ENTREP2: variants seen among roughly 807,000 people sequenced by gnomAD.
The protein encoded by ENTREP2 is protein ENTREP2.
the ENTREP2 span, among the ~76,000 whole-genome samples, chr15:29,603,042 A>T: frequency 1.3e-5 from 2 of 152,194 alleles, no homozygotes; most frequent in Non-Finnish European, 2.9e-5. Context: ...TGGCCCAATG[A>T]CGAAAGGGGA....
At chr15:29,444,194 GA>G in the ENTREP2 span, among the ~76,000 whole-genome samples, 1 of 129,352 alleles carries the variant, frequency 7.7e-6, no homozygotes, top group African/African-American at 3.2e-5. Context: ...AAGAAAGAAA[GA>G]AAGAAAGAAA....
At chr15:29,546,647 G>A in the ENTREP2 span, among the ~76,000 whole-genome samples, 1 of 152,126 alleles carries the variant, frequency 6.6e-6, no homozygotes, top group Non-Finnish European at 1.5e-5. Flanking sequence ...AGCACTTTGG[G>A]AGGCCGAGGC....
the ENTREP2 span, among the ~76,000 whole-genome samples, chr15:29,564,746 C>T: frequency 6.6e-6 from 1 of 152,204 alleles, no homozygotes; most frequent in Non-Finnish European, 1.5e-5. Flanking sequence ...CCCCTGAGGC[C>T]ACTGCGGCTC....
the ENTREP2 span, among the ~76,000 whole-genome samples, chr15:29,321,286 A>C: frequency 6.6e-6 from 1 of 152,204 alleles, no homozygotes; most frequent in Non-Finnish European, 1.5e-5. Flanking sequence ...AAGAGCGTGG[A>C]GTATTTAAAG....
At chr15:29,554,181 C>T in the ENTREP2 span, among the ~76,000 whole-genome samples, 835 of 151,920 alleles carry the variant, frequency 5.5e-3, 4 homozygotes, top group African/African-American at 0.019. Context: ...CGTGTGGTGG[C>T]GCGTTGCCTG....
chr15:29,402,312 GTGTGTGTA>G, the ENTREP2 span, among the ~76,000 whole-genome samples: 8 of 143,494 alleles, frequency 5.6e-5, no homozygotes, highest in South Asian at 1.6e-3. Flanking sequence ...GTGTGTGTGT[GTGTGTGTA>G]TATATGTATA....
At chr15:29,655,501 A>C in the ENTREP2 span, among the ~76,000 whole-genome samples, 2 of 151,914 alleles carry the variant, frequency 1.3e-5, no homozygotes, top group African/African-American at 4.9e-5. Flanking sequence ...TACAAGACAC[A>C]CAAGAAAGCA....
At chr15:29,471,952 T>A in the ENTREP2 span, among the ~76,000 whole-genome samples, 2 of 152,066 alleles carry the variant, frequency 1.3e-5, no homozygotes, top group Non-Finnish European at 2.9e-5. Flanking sequence ...ATGCTGACAG[T>A]GGTCACCCAA....
At chr15:29,381,651 CA>C in the ENTREP2 span, 1 of 760,870 alleles carries the variant, frequency 1.3e-6, no homozygotes, top group Non-Finnish European at 2.1e-6. Flanking sequence ...GAGATTTTAT[CA>C]AGCTCTGCTT....
At chr15:29,444,835 G>C in the ENTREP2 span, among the ~76,000 whole-genome samples, 1 of 152,212 alleles carries the variant, frequency 6.6e-6, no homozygotes, top group Non-Finnish European at 1.5e-5. Context: ...TGGCTAGAGA[G>C]GCTCCACAGT....
the ENTREP2 span, among the ~76,000 whole-genome samples, chr15:29,167,429 G>T: frequency 1.3e-5 from 2 of 152,010 alleles, no homozygotes; most frequent in African/African-American, 4.8e-5. Flanking sequence ...ATCTGACAAA[G>T]GACTAATATC....
At chr15:29,483,838 A>T in the ENTREP2 span, among the ~76,000 whole-genome samples, 7 of 152,232 alleles carry the variant, frequency 4.6e-5, no homozygotes, top group African/African-American at 1.7e-4. Flanking sequence ...TCTGATTATT[A>T]CATTTTTTAA....
chr15:29,610,579 T>C, the ENTREP2 span: 7 of 150,756 alleles, frequency 4.6e-5, no homozygotes, highest in African/African-American at 1.7e-4. Context: ...CCAGCTTCCA[T>C]GCTGATGTCC....
At chr15:29,559,151 G>A in the ENTREP2 span, among the ~76,000 whole-genome samples, 1 of 152,114 alleles carries the variant, frequency 6.6e-6, no homozygotes, top group Non-Finnish European at 1.5e-5. Context: ...ATGAAACACT[G>A]TTAGAATCGC....
At chr15:29,551,484 G>A in the ENTREP2 span, among the ~76,000 whole-genome samples, 1,268 of 152,158 alleles carry the variant, frequency 8.3e-3, 20 homozygotes, top group African/African-American at 0.029. Flanking sequence ...TCATTATTAC[G>A]TGCTCAATAC....
the ENTREP2 span, among the ~76,000 whole-genome samples, chr15:29,415,330 T>G: frequency 3.3e-5 from 5 of 152,202 alleles, no homozygotes; most frequent in South Asian, 2.1e-4. Context: ...ATCCCTGGGA[T>G]GCAAGGCTGG....
At chr15:29,244,326 C>T in the ENTREP2 span, among the ~76,000 whole-genome samples, 1 of 152,220 alleles carries the variant, frequency 6.6e-6, no homozygotes, top group Non-Finnish European at 1.5e-5. Context: ...TGATGGCAGA[C>T]ATTACTCTAC....
the ENTREP2 span, among the ~76,000 whole-genome samples, chr15:29,417,123 G>T: frequency 6.6e-6 from 1 of 152,178 alleles, no homozygotes; most frequent in Non-Finnish European, 1.5e-5. Context: ...AATACTATTT[G>T]ACCCAGCCAT....
chr15:29,651,267 T>C, the ENTREP2 span, among the ~76,000 whole-genome samples: 2 of 152,232 alleles, frequency 1.3e-5, no homozygotes, highest in African/African-American at 2.4e-5. Flanking sequence ...TCTTCCATGA[T>C]TGCAAACTAG....
Sources: gnomAD v4.1 joint callset for allele counts (sites outside exome capture counted in the v4.1 genomes callset) on GRCh38, gnomAD v4.1.1 for gene constraint, MANE v1.5 for transcripts, NCBI Gene and HGNC (gene_info 2026-07-23, HGNC 2026-07-21) for gene names.